Variants in RSPO2 observed in about 807,000 individuals in gnomAD.
The protein encoded by RSPO2 is R-spondin-2.
RSPO2 carries 14 observed loss-of-function variants against 30.9 expected under a neutral mutation model. The observed-to-expected ratio is 0.45, with a 90% confidence interval of 0.30 to 0.71. The LOEUF is 0.71. Ranked by LOEUF, RSPO2 falls within the 30% of genes least tolerant of loss-of-function variation. RSPO2 has a pLI of 0.08. For missense variants in RSPO2, 264 were observed against 301.9 expected (o/e 0.87, Z 0.93); for synonymous variants, 107 against 96.4 (o/e 1.11, Z -0.64).
At chr8:107,913,048 A>T (rs1009347238) in intron 5 of RSPO2, among the ~76,000 whole-genome samples, 12 of 152,174 alleles carry the variant, frequency 7.9e-5, no homozygotes, top group African/African-American at 2.9e-4. Flanking sequence ...TAACATTCAT[A>T]TAATCAAAGA....
chr8:108,079,439 G>A (rs1373205737), intron 2 of RSPO2, among the ~76,000 whole-genome samples: 2 of 152,030 alleles, frequency 1.3e-5, no homozygotes, highest in African/African-American at 4.8e-5. Flanking sequence ...AAGTAGAGAC[G>A]GTCAAAATAC....
intron 2 of RSPO2, among the ~76,000 whole-genome samples, chr8:108,056,585 T>G (rs1462917180): frequency 7.9e-6 from 1 of 126,050 alleles, no homozygotes; most frequent in Non-Finnish European, 1.5e-5. Flanking sequence ...ATGGCACCAC[T>G]GCACTCCAGC....
intron 3 of RSPO2, among the ~76,000 whole-genome samples, chr8:107,977,876 G>C (rs1586595414): frequency 6.6e-6 from 1 of 151,692 alleles, no homozygotes; most frequent in South Asian, 2.1e-4. Flanking sequence ...CAGTATTTTT[G>C]ATCAGTATTA....
chr8:107,938,339 G>T (rs954434470), intron 5 of RSPO2, among the ~76,000 whole-genome samples: 1 of 151,856 alleles, frequency 6.6e-6, no homozygotes. Context: ...CTTCAAATAC[G>T]TTATCTTAAA....
chr8:107,905,155 T>C (rs886940366), intron 5 of RSPO2, among the ~76,000 whole-genome samples: 1 of 152,004 alleles, frequency 6.6e-6, no homozygotes, highest in Non-Finnish European at 1.5e-5. Flanking sequence ...AAGTCAAAGG[T>C]CTTCAAATGC....
At position 108,082,625 on chromosome 8, in the gene RSPO2, A is replaced by C; in HGVS notation, c.14T>G (p.Leu5Arg). The C allele has an allele frequency of 6.2e-6, 10 of 1,613,888 alleles. No homozygotes were observed. The highest frequency in any genetic ancestry group is 8.5e-6 in the Non-Finnish European group (10 of 1,179,890). Residue 5 changes from leucine (L) to arginine (R), a missense_variant, in exon 2 of 6, where the codon CTT becomes CGT. Transcript: ENST00000276659. The stretch of plus-strand genomic sequence containing the variant: ...CAGAATGATGAGGGCAAAGGAGAAA[A>C]GGCGAAACTGCATCTGGGCGGTCGG... MQFR[L>R]FSFALIILNC...
chr8:108,016,739 T>C (rs548814618), intron 2 of RSPO2, among the ~76,000 whole-genome samples: 1 of 152,202 alleles, frequency 6.6e-6, no homozygotes, highest in Non-Finnish European at 1.5e-5. Context: ...AGATTCTTCA[T>C]GGCTTGGAGC....
chr8:107,942,466 T>C (rs550912467), intron 5 of RSPO2, among the ~76,000 whole-genome samples: 13 of 152,338 alleles, frequency 8.5e-5, no homozygotes, highest in African/African-American at 2.9e-4. Flanking sequence ...CTTAAGTATC[T>C]AAAATAAAGA....
intron 2 of RSPO2, among the ~76,000 whole-genome samples, chr8:108,063,197 G>A (rs1423211119): frequency 6.6e-6 from 1 of 151,764 alleles, no homozygotes; most frequent in Non-Finnish European, 1.5e-5. Context: ...TCAGGCAGGA[G>A]AAGGAAATAA....
chr8:108,042,109 G>A (rs1284878009), intron 2 of RSPO2, among the ~76,000 whole-genome samples: 1 of 152,164 alleles, frequency 6.6e-6, no homozygotes, highest in African/African-American at 2.4e-5. Flanking sequence ...TTTCAGAATT[G>A]AGAGATTGAA....
intron 2 of RSPO2, among the ~76,000 whole-genome samples, chr8:108,003,245 GTA>G (rs747229105): frequency 0.36 from 21,836 of 60,250 alleles, 2,679 homozygotes; most frequent in Middle Eastern, 0.44. Context: ...ATATATGTAT[GTA>G]TGTATGTGTG....
intron 2 of RSPO2, among the ~76,000 whole-genome samples, chr8:108,078,133 C>G (rs1813071428): frequency 6.6e-6 from 1 of 152,094 alleles, no homozygotes; most frequent in Admixed American, 6.5e-5. Context: ...GGATTCTAGC[C>G]AAGCTGGATT....
intron 5 of RSPO2, among the ~76,000 whole-genome samples, chr8:107,948,202 G>GT (rs1813128506): frequency 6.6e-6 from 1 of 152,008 alleles, no homozygotes; most frequent in African/African-American, 2.4e-5. Context: ...AAACTCTCTT[G>GT]TTTGTATCAC....
intron 3 of RSPO2, among the ~76,000 whole-genome samples, chr8:107,971,747 C>T (rs1046671317): frequency 2.0e-5 from 3 of 152,170 alleles, no homozygotes; most frequent in African/African-American, 7.2e-5. Flanking sequence ...ACGTCATTTC[C>T]CTACTTTAAA....
rs140670079 is a variant in RSPO2 at position 107,917,180 on chromosome 8, T to C, written c.617-15990A>G. Reference sequence around the variant, plus strand: ...CAAGTTTCTTCTATCAGAGTAAAGGTTTTTGCCTTTAAAATTTTTTTGAGG... The same window carrying C: ...CAAGTTTCTTCTATCAGAGTAAAGGCTTTTGCCTTTAAAATTTTTTTGAGG... On this transcript the variant is annotated intron_variant, in intron 5 of 5. Transcript: ENST00000276659. Among the ~76,000 whole-genome samples, 523 of 152,156 alleles carry C rather than the reference T, an allele frequency of 3.4e-3. 19 individuals carry two copies. The South Asian group carries it at 0.086, about 25-fold the overall frequency.
chr8:107,915,128 A>G (rs1477481415), intron 5 of RSPO2, among the ~76,000 whole-genome samples: 1 of 152,192 alleles, frequency 6.6e-6, no homozygotes, highest in Admixed American at 6.6e-5. Context: ...ATACTTTTCC[A>G]TAGAACACAT....
chr8:107,918,336 T>C (rs751683605), intron 5 of RSPO2, among the ~76,000 whole-genome samples: 3 of 152,190 alleles, frequency 2.0e-5, no homozygotes, highest in Non-Finnish European at 4.4e-5. Flanking sequence ...GTTGTTTGCA[T>C]AAGTGTAATA....
intron 5 of RSPO2, among the ~76,000 whole-genome samples, chr8:107,945,095 T>C (rs628205): frequency 0.43 from 64,470 of 151,440 alleles, 14,323 homozygotes; most frequent in East Asian, 0.67. Context: ...TCTTTGTAAA[T>C]GAATCATCAC....
chr8:107,965,651 T>TC (rs1428169460), intron 3 of RSPO2, among the ~76,000 whole-genome samples: 1 of 152,060 alleles, frequency 6.6e-6, no homozygotes, highest in Non-Finnish European at 1.5e-5. Flanking sequence ...TTTTTTTTTT[T>TC]CCAATCTGTG....
Sources: gnomAD v4.1 joint callset for allele counts (sites outside exome capture counted in the v4.1 genomes callset) on GRCh38, gnomAD v4.1.1 for gene constraint, MANE v1.5 for transcripts, NCBI Gene and HGNC (gene_info 2026-07-23, HGNC 2026-07-21) for gene names.